CTNNA3: variants seen among roughly 807,000 people sequenced by gnomAD.
The protein encoded by CTNNA3 is catenin alpha 3.
Under a neutral mutation model 95.7 loss-of-function variants are expected in CTNNA3, and 76 were observed. That is an observed-to-expected ratio of 0.79 (90% confidence interval 0.66 to 0.96). The LOEUF is 0.96. CTNNA3 is among the 40% of genes least tolerant of loss of function. The pLI is 0.00. For synonymous variants in CTNNA3, 431 were observed against 374.4 expected, an observed-to-expected ratio of 1.15 and a Z score of -1.74; for missense variants, 1,191 against 1,089.8, an observed-to-expected ratio of 1.09 and a Z score of -1.31.
At chr10:66,119,171 G>T (rs1295614380) in intron 13 of CTNNA3, among the ~76,000 whole-genome samples, 1 of 152,166 alleles carries the variant, frequency 6.6e-6, no homozygotes, top group Non-Finnish European at 1.5e-5. Context: ...ATGAAGTACA[G>T]TATGCTAGGT....
intron 1 of CTNNA3, among the ~76,000 whole-genome samples, chr10:67,676,577 A>G (rs144698034): frequency 8.1e-4 from 123 of 152,288 alleles, no homozygotes; most frequent in Admixed American, 1.9e-3. Context: ...CTTCATTCAC[A>G]TGCCACAGAG....
chr10:67,235,006 A>G (rs1472708996), intron 5 of CTNNA3, among the ~76,000 whole-genome samples: 13 of 150,334 alleles, frequency 8.6e-5, no homozygotes, highest in South Asian at 2.1e-4. Flanking sequence ...GCTCAATGAA[A>G]TAAAAGAGGA....
At chr10:66,465,418 A>G (rs908294956) in intron 11 of CTNNA3, among the ~76,000 whole-genome samples, 2 of 152,146 alleles carry the variant, frequency 1.3e-5, no homozygotes, top group African/African-American at 2.4e-5. Context: ...TTCAGAAATT[A>G]CCCAGCACTT....
intron 2 of CTNNA3, 123 bp from the exon 3 acceptor site, chr10:67,607,172 C>T (rs948287887): frequency 1.6e-5 from 11 of 673,352 alleles, no homozygotes; most frequent in African/African-American, 7.3e-5. Context: ...GGGCTAGGGG[C>T]GCCAACCCAC....
chr10:67,036,401 G>C (rs1854057349), intron 7 of CTNNA3, among the ~76,000 whole-genome samples: 1 of 151,854 alleles, frequency 6.6e-6, no homozygotes, highest in South Asian at 2.1e-4. Context: ...CCCAAGTAGC[G>C]ACACCTGTAA....
At chr10:66,084,591 A>C (rs1003194874) in intron 14 of CTNNA3, among the ~76,000 whole-genome samples, 3 of 152,110 alleles carry the variant, frequency 2.0e-5, no homozygotes, top group African/African-American at 7.2e-5. Flanking sequence ...TTAGAAAAAA[A>C]ATTCTTAGAA....
chr10:66,114,902 G>A (rs1284561125), intron 13 of CTNNA3, among the ~76,000 whole-genome samples: 1 of 151,232 alleles, frequency 6.6e-6, no homozygotes, highest in Non-Finnish European at 1.5e-5. Flanking sequence ...AAAAGAAAAA[G>A]TAAAAGAAAA....
chr10:67,148,910 C>A (rs1860962039), intron 7 of CTNNA3, among the ~76,000 whole-genome samples: 1 of 152,254 alleles, frequency 6.6e-6, no homozygotes, highest in Middle Eastern at 3.4e-3. Flanking sequence ...CCCATTTTGG[C>A]TCCTCTTATC....
chr10:67,470,913 T>C (rs1847793577), intron 5 of CTNNA3, among the ~76,000 whole-genome samples: 1 of 152,192 alleles, frequency 6.6e-6, no homozygotes, highest in African/African-American at 2.4e-5. Context: ...CCTGAGTAGC[T>C]GAGACTACAG....
At chr10:67,482,574 G>A (rs1848277071) in intron 5 of CTNNA3, among the ~76,000 whole-genome samples, 1 of 152,144 alleles carries the variant, frequency 6.6e-6, no homozygotes, top group African/African-American at 2.4e-5. Flanking sequence ...GTATAAGAAT[G>A]CTTGCGATTT....
rs1287244537 is a variant in CTNNA3, at chr10:65,913,438, A to G, written c.*6892T>C. ...TCACGGATATGGAGGAGAAATTATT[A>G]TGCTACCATTTAGGTCTAAGGAAAT... is the stretch of plus-strand genomic sequence containing the variant. On this transcript the variant is annotated 3_prime_UTR_variant, in exon 18 of 18. Coordinates refer to ENST00000433211, the MANE Select transcript of CTNNA3 (RefSeq NM_013266.4). The G allele has an allele frequency of 2.0e-5, 3 of 152,144 alleles. No individual in the cohort carries two copies. Among genetic ancestry groups the G allele is most frequent in the Non-Finnish European group, 4.4e-5 (3 of 68,016 alleles). The allele number at this position is 152,144 out of a possible 1,614,324, so 9.4% of individuals were successfully genotyped here.
At chr10:67,673,674 C>T (rs1349404370) in intron 1 of CTNNA3, among the ~76,000 whole-genome samples, 16 of 149,086 alleles carry the variant, frequency 1.1e-4, no homozygotes, top group South Asian at 8.6e-4. Context: ...TATTGATTTG[C>T]GTATGTTGAA....
chr10:66,020,817 A>G (rs1207507950), intron 15 of CTNNA3, among the ~76,000 whole-genome samples: 2 of 152,026 alleles, frequency 1.3e-5, no homozygotes, highest in African/African-American at 4.8e-5. Flanking sequence ...GACTACAGGC[A>G]CCTGCCACCA....
At chr10:66,378,638 CAA>C (rs1250060537) in intron 12 of CTNNA3, among the ~76,000 whole-genome samples, 8 of 152,084 alleles carry the variant, frequency 5.3e-5, no homozygotes, top group South Asian at 4.1e-4. Context: ...GCAATCAACA[CAA>C]AAGAGTGGTT....
chr10:67,727,470 T>A (rs569551912), intron 1 of CTNNA3, among the ~76,000 whole-genome samples: 1 of 132,556 alleles, frequency 7.5e-6, no homozygotes, highest in Non-Finnish European at 1.6e-5. Flanking sequence ...TATCATATAT[T>A]ATATATTTAT....
intron 5 of CTNNA3, among the ~76,000 whole-genome samples, chr10:67,444,984 A>G (rs1157095983): frequency 6.6e-6 from 1 of 152,050 alleles, no homozygotes; most frequent in Non-Finnish European, 1.5e-5. Flanking sequence ...AGAACTAATT[A>G]CTACAATATA....
At chr10:65,953,272 T>G (rs1476607112) in intron 17 of CTNNA3, among the ~76,000 whole-genome samples, 2 of 152,180 alleles carry the variant, frequency 1.3e-5, no homozygotes, top group African/African-American at 4.8e-5. Flanking sequence ...AGTTATATTT[T>G]TTATTCTATT....
intron 7 of CTNNA3, among the ~76,000 whole-genome samples, chr10:66,983,987 G>T (rs374955923): frequency 6.6e-6 from 1 of 152,138 alleles, no homozygotes; most frequent in African/African-American, 2.4e-5. Context: ...TTTTATAGTT[G>T]ATGATAATCG....
intron 9 of CTNNA3, among the ~76,000 whole-genome samples, chr10:66,719,123 T>A (rs180885573): frequency 6.6e-6 from 1 of 152,202 alleles, no homozygotes; most frequent in Non-Finnish European, 1.5e-5. Flanking sequence ...TTAAGTGTCC[T>A]GTGATCTTAC....
Sources: gnomAD v4.1 joint callset for allele counts (sites outside exome capture counted in the v4.1 genomes callset) on GRCh38, gnomAD v4.1.1 for gene constraint, MANE v1.5 for transcripts, NCBI Gene and HGNC (gene_info 2026-07-23, HGNC 2026-07-21) for gene names.